Variants in L3MBTL4 observed in about 807,000 individuals in gnomAD.
L3MBTL4 encodes the protein L3MBTL histone methyl-lysine binding protein 4.
Under a neutral mutation model 84.5 loss-of-function variants are expected in L3MBTL4, and 70 were observed. The observed-to-expected ratio is 0.83, with a 90% CI of 0.68 to 1.01. L3MBTL4 has a LOEUF of 1.01. Ranked by LOEUF, L3MBTL4 falls within the 50% of genes least tolerant of loss-of-function variation. L3MBTL4 has a pLI of 0.00. For missense variants in L3MBTL4, 715 were observed against 754.8 expected (o/e 0.95, Z 0.62); for synonymous variants, 274 against 259.8 (o/e 1.05, Z -0.52).
In L3MBTL4 at chr18:6,332,191, C is replaced by T. The variant is rs72863196; in HGVS notation, c.-90-20135G>A. Among the ~76,000 whole-genome samples, 707 of 152,312 alleles carry T rather than the reference C, an allele frequency of 4.6e-3. 1 individual carries two copies. The highest frequency in any genetic ancestry group is 7.8e-3 in the Non-Finnish European group (534 of 68,028). ...AAAGCAGGGAAATAATGCTACCCTA[C>T]AAGCCCTGAGCGAGTCAGAGCTGAG... On this transcript the variant is annotated intron_variant, in intron 1 of 18. Coordinates refer to ENST00000317931, the MANE Select transcript of L3MBTL4 (RefSeq NM_001330559.2).
At chr18:6,398,538 G>C (rs1271922164) in intron 1 of L3MBTL4, among the ~76,000 whole-genome samples, 1 of 152,112 alleles carries the variant, frequency 6.6e-6, no homozygotes, top group African/African-American at 2.4e-5. Flanking sequence ...ACATCACAGA[G>C]GCAAAGAAAG....
chr18:6,280,657 T>C (rs1288519914), intron 4 of L3MBTL4, among the ~76,000 whole-genome samples: 1 of 152,212 alleles, frequency 6.6e-6, no homozygotes, highest in Admixed American at 6.5e-5. Flanking sequence ...CAAAATAATT[T>C]TGCAGAGGTG....
At chr18:6,038,475 C>T (rs896332623) in intron 16 of L3MBTL4, among the ~76,000 whole-genome samples, 1 of 151,978 alleles carries the variant, frequency 6.6e-6, no homozygotes, top group South Asian at 2.1e-4. Flanking sequence ...AGGATGGTCT[C>T]GATCTCCTGA....
intron 1 of L3MBTL4, chr18:6,395,894 A>G (rs1346332632): frequency 6.6e-6 from 1 of 152,216 alleles, no homozygotes; most frequent in Non-Finnish European, 1.5e-5. Context: ...ATAAGTACTG[A>G]GCAAGACCAA....
chr18:6,151,215 C>T (rs1300558927), intron 13 of L3MBTL4, among the ~76,000 whole-genome samples: 2 of 152,156 alleles, frequency 1.3e-5, no homozygotes, highest in African/African-American at 2.4e-5. Flanking sequence ...CCAGTCCACC[C>T]ACTTATTTTT....
chr18:6,414,015 G>T lies in L3MBTL4; in HGVS notation c.-91+786C>A, dbSNP rs2056081575. The T allele has an allele frequency of 6.6e-6, 1 of 152,428 alleles. No homozygotes were observed. The highest frequency in any genetic ancestry group is 2.1e-4 in the South Asian group (1 of 4,832). 9.4% of individuals were successfully genotyped at this position (152,428 alleles called of 1,614,324 possible). A position where few individuals can be genotyped will look rare whatever the true frequency, so the allele number is the denominator to read the frequency against. On this transcript the variant is annotated intron_variant, in intron 1 of 18. Transcript: ENST00000317931. The surrounding 1 kb of genome is among the most constrained non-coding windows in gnomAD (Gnocchi z 5.4). ...CACCAATCCCGCAGGTAAGTGCGGC[G>T]CTGGCCCAGGTGTGCCCAGCTCGAC...
Position 6,241,270 on chromosome 18 carries a change from G to T in L3MBTL4, c.552+88C>A, listed in dbSNP as rs530406991. 5.1e-6 allele frequency: 4 copies of T among 785,884 alleles called. No homozygotes were observed. The East Asian group carries it at 1.0e-4, about 20-fold the overall frequency. The allele number at this position is 785,884 out of a possible 1,614,324, so 48.7% of individuals were successfully genotyped here. ...TTAACAGTTTCCATAACTTCTTAAAGGATTAAAATAAAACAGAATATATAG... is the reference window on the plus strand; with the variant it reads ...TTAACAGTTTCCATAACTTCTTAAATGATTAAAATAAAACAGAATATATAG... On this transcript the variant is annotated intron_variant, in intron 8 of 18. Transcript: ENST00000317931.
intron 1 of L3MBTL4, among the ~76,000 whole-genome samples, chr18:6,366,595 A>C (rs573746187): frequency 6.6e-6 from 1 of 152,344 alleles, no homozygotes; most frequent in South Asian, 2.1e-4. Context: ...GATATTCATG[A>C]ATTCTACATA....
intron 1 of L3MBTL4, among the ~76,000 whole-genome samples, chr18:6,345,215 C>CAAAAAAAAAAAAAAAAAAAAAAAA (rs35502624): frequency 2.6e-5 from 1 of 38,486 alleles, no homozygotes; most frequent in Non-Finnish European, 4.9e-5. Flanking sequence ...TACTAAAATA[C>CAAAAAAAAAAAAAAAAAAAAAAAA]AAAAAAAAAA....
chr18:6,323,180 C>A lies in L3MBTL4; in HGVS notation c.-90-11124G>T, dbSNP rs1463556896. 3.3e-5 allele frequency among the ~76,000 whole-genome samples: 5 copies of A among 152,302 alleles called. No individual in the cohort carries two copies. The East Asian group carries it at 9.6e-4, about 29-fold the overall frequency. On this transcript the variant is annotated intron_variant, in intron 1 of 18. Coordinates refer to ENST00000317931, the MANE Select transcript of L3MBTL4 (RefSeq NM_001330559.2). ...ACTGTAGAACCATGAGCCAATTAAA[C>A]CTCTTTTCTTAATAAATTACCCAGT... is the stretch of plus-strand genomic sequence containing the variant.
At chr18:6,196,155 C>CCCTTT (rs2045369240) in intron 12 of L3MBTL4, among the ~76,000 whole-genome samples, 1 of 137,688 alleles carries the variant, frequency 7.3e-6, no homozygotes, top group African/African-American at 3.4e-5. Flanking sequence ...TCTAGAGTTC[C>CCCTTT]TCTTTTTTTT....
chr18:6,403,121 G>A (rs2144668981), intron 1 of L3MBTL4, among the ~76,000 whole-genome samples: 1 of 152,270 alleles, frequency 6.6e-6, no homozygotes, highest in African/African-American at 2.4e-5. Context: ...ATATCATCTT[G>A]CCTTTTGCAC....
At chr18:6,206,793 C>G (rs1029352961) in intron 12 of L3MBTL4, among the ~76,000 whole-genome samples, 5 of 151,980 alleles carry the variant, frequency 3.3e-5, no homozygotes, top group Admixed American at 1.3e-4. Context: ...ACATGGTAGC[C>G]CGCATTTCTT....
chr18:5,990,521 C>G (rs1441341061), intron 16 of L3MBTL4, among the ~76,000 whole-genome samples: 1 of 152,156 alleles, frequency 6.6e-6, no homozygotes, highest in Non-Finnish European at 1.5e-5. Flanking sequence ...AATTTAGTCA[C>G]AAACCCAGAA....
chr18:6,318,764 A>C (rs1426754027), intron 1 of L3MBTL4, among the ~76,000 whole-genome samples: 1 of 152,050 alleles, frequency 6.6e-6, no homozygotes, highest in Admixed American at 6.6e-5. Flanking sequence ...ATTAAACTAC[A>C]TGATAGAACA....
chr18:6,004,094 T>C (rs974524629), intron 16 of L3MBTL4, among the ~76,000 whole-genome samples: 1 of 152,042 alleles, frequency 6.6e-6, no homozygotes, highest in Admixed American at 6.6e-5. Context: ...CAAGAGTTGA[T>C]TTTTCAAAAA....
chr18:6,408,496 A>C (rs2055828189), intron 1 of L3MBTL4, among the ~76,000 whole-genome samples: 1 of 152,152 alleles, frequency 6.6e-6, no homozygotes, highest in Non-Finnish European at 1.5e-5. Context: ...CACATTTTTA[A>C]AACTGCAGAT....
At position 6,279,771 on chromosome 18, in the gene L3MBTL4, C is replaced by T. The variant is rs117351690; in HGVS notation, c.128-15733G>A. On this transcript the variant is annotated intron_variant, in intron 4 of 18. Coordinates refer to ENST00000317931, the MANE Select transcript of L3MBTL4 (RefSeq NM_001330559.2). ...ACCCTGTAAGTCATCAGATTAACAA[C>T]CACCTATATGAGATGGCAGTATTCA... Among the ~76,000 whole-genome samples, 1,298 of 152,284 alleles carry T rather than the reference C, an allele frequency of 8.5e-3. 14 individuals carry two copies. Among genetic ancestry groups the T allele is most frequent in the Non-Finnish European group, 0.013 (875 of 68,018 alleles).
intron 3 of L3MBTL4, among the ~76,000 whole-genome samples, chr18:6,310,703 T>A (rs2050786710): frequency 6.6e-6 from 1 of 152,112 alleles, no homozygotes; most frequent in Admixed American, 6.5e-5. Flanking sequence ...CCAAAAATAA[T>A]CACCATGGAG....
Sources: allele counts gnomAD v4.1 joint callset (sites outside exome capture counted in the v4.1 genomes callset), GRCh38; gene constraint gnomAD v4.1.1; non-coding constraint Gnocchi (gnomAD v3.1); transcripts MANE v1.5; gene names NCBI Gene and HGNC (gene_info 2026-07-23, HGNC 2026-07-21).